ARL6IP6: variants seen among roughly 807,000 people sequenced by gnomAD.
ARL6IP6 encodes ARF like GTPase 6 interacting protein 6, also known as ADP-ribosylation factor-like protein 6-interacting protein 6.
In ARL6IP6, 22 loss-of-function variants were observed where a neutral mutation model predicts 21.5. The observed-to-expected ratio is 1.02, with a 90% CI of 0.73 to 1.46. ARL6IP6 has a LOEUF of 1.46. ARL6IP6 is among the 40% of genes most tolerant of loss of function. The pLI is 0.00. For synonymous variants in ARL6IP6, 164 were observed against 125.3 expected (o/e 1.31, Z -2.06); for missense variants, 388 against 299.8 (o/e 1.29, Z -2.17).
intron 3 of ARL6IP6, among the ~76,000 whole-genome samples, chr2:152,748,742 C>A (rs189679418): frequency 6.6e-6 from 1 of 152,292 alleles, no homozygotes; most frequent in East Asian, 1.9e-4. Context: ...TACAAGAGTT[C>A]TGTCATAAAA....
intron 2 of ARL6IP6, 60 bp from the exon 3 acceptor site, chr2:152,734,934 T>G: frequency 6.6e-7 from 1 of 1,513,928 alleles, no homozygotes; most frequent in East Asian, 2.3e-5. Context: ...AGAGTACTGG[T>G]TTAATTTAAA....
intron 3 of ARL6IP6, among the ~76,000 whole-genome samples, chr2:152,741,505 GA>G (rs1172392083): frequency 2.0e-5 from 3 of 150,952 alleles, no homozygotes; most frequent in Non-Finnish European, 4.4e-5. Flanking sequence ...CTCAGAGGAA[GA>G]AAAAAAGTAA....
In ARL6IP6 at chr2:152,720,409, T is replaced by C. The variant is rs1161626303; in HGVS notation, c.401-124T>C. 17 of 903,192 alleles carry C rather than the reference T, an allele frequency of 1.9e-5. No individual in the cohort carries two copies. In the East Asian group the frequency reaches 4.3e-4, roughly 23 times the overall value. 55.9% of individuals were successfully genotyped at this position (903,192 alleles called of 1,614,324 possible). A position where few individuals can be genotyped will look rare whatever the true frequency, so the allele number is the denominator to read the frequency against. ...ACATAGCTGGTAAATTGAATCAGAA[T>C]TTGAACCCAGTTCTTTGTGACTCCA... On this transcript the variant is annotated intron_variant, in intron 1 of 3. Transcript: ENST00000326446.
At position 152,718,673 on chromosome 2, in the gene ARL6IP6, C is replaced by T. The variant is rs551102385; in HGVS notation, c.49C>T (p.Pro17Ser). Reference protein sequence around the residue: ...GWRSALRRRGPGTPGPVARPS... With the variant: ...GWRSALRRRGSGTPGPVARPS... ...GCGGTCGGCTCTGCGGCGCCGCGGT[C>T]CCGGCACCCCGGGCCCTGTGGCTCG... Residue 17 changes from proline to serine, a missense_variant, in exon 1 of 4, where the codon CCC becomes TCC. Transcript: ENST00000326446. 4 of 1,575,422 alleles carry T rather than the reference C, an allele frequency of 2.5e-6. No homozygotes were observed. The highest frequency in any genetic ancestry group is 4.6e-5 in the East Asian group (2 of 43,902).
rs1412783805 is a variant in ARL6IP6 at position 152,761,855 on chromosome 2, G to C, written c.*2015G>C. 6.6e-6 allele frequency among the ~76,000 whole-genome samples: 1 copy of C among 152,016 alleles called. No individual in the cohort carries two copies. Among genetic ancestry groups the C allele is most frequent in the Non-Finnish European group, 1.5e-5 (1 of 68,022 alleles). Reference sequence around the variant, plus strand: ...CACAATGATGAAATTGCCTAATGACGCTTTTCTCAGAATATATCCTTGTCA... The same window carrying C: ...CACAATGATGAAATTGCCTAATGACCCTTTTCTCAGAATATATCCTTGTCA... On this transcript the variant is annotated 3_prime_UTR_variant, in exon 4 of 4. Transcript: ENST00000326446.
At chr2:152,737,741 A>G (rs1346171879) in intron 3 of ARL6IP6, among the ~76,000 whole-genome samples, 1 of 152,140 alleles carries the variant, frequency 6.6e-6, no homozygotes, top group Admixed American at 6.5e-5. Flanking sequence ...CCATAATTTA[A>G]TTACCTCCCA....
Position 152,723,782 on chromosome 2 carries a change from A to G in ARL6IP6, c.454+3196A>G, listed in dbSNP as rs568477356. Among the ~76,000 whole-genome samples the G allele has an allele frequency of 2.3e-5, 3 of 131,338 alleles. No homozygotes were observed. The South Asian group carries it at 7.5e-4, about 33-fold the overall frequency. 86.2% of individuals were successfully genotyped at this position (131,338 alleles called of 152,430 possible). A position where few individuals can be genotyped will look rare whatever the true frequency, so the allele number is the denominator to read the frequency against. On this transcript the variant is annotated intron_variant, in intron 2 of 3. Coordinates refer to ENST00000326446, the MANE Select transcript of ARL6IP6 (RefSeq NM_152522.7). ...GTTTTGGCCATCATGATTTCGTGAT[A>G]CAGAACATTAGAAGTGTTAAAAAAA...
intron 3 of ARL6IP6, among the ~76,000 whole-genome samples, chr2:152,744,049 T>C (rs537242276): frequency 1.3e-5 from 2 of 152,240 alleles, no homozygotes; most frequent in East Asian, 3.9e-4. Context: ...GAGGCATAGA[T>C]TGAATTGTTT....
chr2:152,722,138 T>C (rs1301019609), intron 2 of ARL6IP6, among the ~76,000 whole-genome samples: 1 of 152,220 alleles, frequency 6.6e-6, no homozygotes, highest in Non-Finnish European at 1.5e-5. Context: ...GCTTGCTCAA[T>C]ATCAAAAGGA....
At chr2:152,725,914 T>C (rs1700025623) in intron 2 of ARL6IP6, among the ~76,000 whole-genome samples, 2 of 152,186 alleles carry the variant, frequency 1.3e-5, no homozygotes, top group African/African-American at 4.8e-5. Flanking sequence ...AAATTATTCT[T>C]CAAGTGTCAT....
upstream of ARL6IP6, chr2:152,718,024 C>A: frequency 1.0e-6 from 1 of 992,606 alleles, no homozygotes; most frequent in Non-Finnish European, 1.2e-6. Context: ...GGGAAGGAGG[C>A]GTGTCGAGTA....
chr2:152,718,303 G>C, upstream of ARL6IP6: 1 of 288,444 alleles, frequency 3.5e-6, no homozygotes, highest in Non-Finnish European at 6.1e-6. Flanking sequence ...CGCGGGGGTG[G>C]CGGAGGTCTC....
intron 3 of ARL6IP6, among the ~76,000 whole-genome samples, chr2:152,740,633 T>G (rs548115652): frequency 6.7e-6 from 1 of 148,776 alleles, no homozygotes; most frequent in East Asian, 2.0e-4. Flanking sequence ...TATATACACA[T>G]TATAAATGTG....
chr2:152,717,736 T>C (rs906298397), upstream of ARL6IP6: 14 of 1,314,744 alleles, frequency 1.1e-5, no homozygotes, highest in African/African-American at 2.0e-4. Context: ...GTGTCCCAGC[T>C]TCCCGAGCTT....
In ARL6IP6 at chr2:152,760,090, C is replaced by G. The variant is rs879514252; in HGVS notation, c.*250C>G. On this transcript the variant is annotated 3_prime_UTR_variant, in exon 4 of 4. Coordinates refer to ENST00000326446, the MANE Select transcript of ARL6IP6 (RefSeq NM_152522.7). ...TTTCTTCAGAGTATAAGATGTTTAC[C>G]TCATCTTTTTACTTTTGTGTGTGTA... The G allele has an allele frequency of 3.2e-6, 1 of 308,422 alleles. No homozygotes were observed. Among genetic ancestry groups the G allele is most frequent in the Non-Finnish European group, 6.0e-6 (1 of 166,688 alleles). 19.1% of individuals were successfully genotyped at this position (308,422 alleles called of 1,614,324 possible). A position where few individuals can be genotyped will look rare whatever the true frequency, so the allele number is the denominator to read the frequency against.
chr2:152,753,093 C>T (rs1358133017), intron 3 of ARL6IP6, among the ~76,000 whole-genome samples: 1 of 151,978 alleles, frequency 6.6e-6, no homozygotes, highest in Non-Finnish European at 1.5e-5. Flanking sequence ...GAGCCATGAT[C>T]ATGCCACTGC....
intron 3 of ARL6IP6, among the ~76,000 whole-genome samples, chr2:152,742,012 A>G (rs764042593): frequency 4.6e-5 from 7 of 152,194 alleles, no homozygotes; most frequent in Non-Finnish European, 8.8e-5. Context: ...AGGCATTCCC[A>G]TGTTTCACTA....
At chr2:152,747,713 T>A (rs893469757) in intron 3 of ARL6IP6, among the ~76,000 whole-genome samples, 1 of 152,018 alleles carries the variant, frequency 6.6e-6, no homozygotes, top group Admixed American at 6.6e-5. Flanking sequence ...GGAGCTAGGA[T>A]TACAGGCCAC....
intron 3 of ARL6IP6, among the ~76,000 whole-genome samples, chr2:152,758,587 T>C (rs1701691960): frequency 6.6e-6 from 1 of 152,182 alleles, no homozygotes; most frequent in Non-Finnish European, 1.5e-5. Context: ...GAAGCATCTT[T>C]GACTAGCCCT....
Sources: gnomAD v4.1 joint callset for allele counts (sites outside exome capture counted in the v4.1 genomes callset) on GRCh38, gnomAD v4.1.1 for gene constraint, MANE v1.5 for transcripts, NCBI Gene and HGNC (gene_info 2026-07-23, HGNC 2026-07-21) for gene names.